The following GCNT2 variants were observed in gnomAD, a reference collection of about 807,000 sequenced individuals.
GCNT2 encodes the protein glucosaminyl (N-acetyl) transferase 2 (I blood group).
In GCNT2, 34 loss-of-function variants were observed where a neutral mutation model predicts 34.2. That is an observed-to-expected ratio of 1.00 (90% CI 0.76 to 1.32). The LOEUF (loss-of-function observed/expected upper bound fraction) is 1.32. GCNT2 is among the 40% of genes most tolerant of loss of function. GCNT2 has a pLI of 0.00. For missense variants in GCNT2, 584 were observed against 489.4 expected, an observed-to-expected ratio of 1.19 and a Z score of -1.82; for synonymous variants, 212 against 188.0, an observed-to-expected ratio of 1.13 and a Z score of -1.04.
chr6:10,622,562 CTCAG>C (rs745607506), intron 4 of GCNT2, among the ~76,000 whole-genome samples: 19 of 152,046 alleles, frequency 1.2e-4, no homozygotes, highest in Non-Finnish European at 2.2e-4. Flanking sequence ...CTCTGAGACA[CTCAG>C]TGTTAGGATT....
At chr6:10,594,852 C>CA (rs546050532) in intron 3 of GCNT2, among the ~76,000 whole-genome samples, 1 of 148,096 alleles carries the variant, frequency 6.8e-6, no homozygotes, top group Admixed American at 6.7e-5. Context: ...ATACCAGTTC[C>CA]TTTTTTTTTT....
intron 3 of GCNT2, among the ~76,000 whole-genome samples, chr6:10,532,805 A>G (rs1224872341): frequency 6.6e-6 from 1 of 152,084 alleles, no homozygotes; most frequent in Non-Finnish European, 1.5e-5. Context: ...TTAGGGAATT[A>G]GAAACCTAAG....
At chr6:10,538,939 T>C (rs1581376368) in intron 3 of GCNT2, among the ~76,000 whole-genome samples, 1 of 152,070 alleles carries the variant, frequency 6.6e-6, no homozygotes, top group African/African-American at 2.4e-5. Flanking sequence ...AATTTTATAC[T>C]GAGGAAGCTA....
intron 3 of GCNT2, among the ~76,000 whole-genome samples, chr6:10,563,777 A>AAATATATAT (rs1554130891): frequency 1.2e-4 from 3 of 24,712 alleles, no homozygotes; most frequent in African/African-American, 3.9e-4. Flanking sequence ...AAAAAAAAAA[A>AAATATATAT]ATATATATAT....
chr6:10,566,218 CTG>C (rs1197741809), intron 3 of GCNT2, among the ~76,000 whole-genome samples: 1 of 151,644 alleles, frequency 6.6e-6, no homozygotes. Flanking sequence ...GAGTCACACT[CTG>C]TAAAATTCTT....
intron 3 of GCNT2, among the ~76,000 whole-genome samples, chr6:10,582,197 T>C (rs1362833895): frequency 1.5e-5 from 2 of 129,728 alleles, no homozygotes; most frequent in Admixed American, 9.0e-5. Flanking sequence ...TTTTATATAA[T>C]ATATAAAATT....
At chr6:10,526,193 A>G (rs1464871409) in intron 1 of GCNT2, among the ~76,000 whole-genome samples, 1 of 152,186 alleles carries the variant, frequency 6.6e-6, no homozygotes, top group Non-Finnish European at 1.5e-5. Context: ...CGCATGAAAG[A>G]TAGTTAAGAA....
chr6:10,563,477 C>T (rs1561802307), intron 3 of GCNT2, among the ~76,000 whole-genome samples: 1 of 151,982 alleles, frequency 6.6e-6, no homozygotes, highest in Admixed American at 6.5e-5. Context: ...CGTGGTGGCT[C>T]ACGCCTATAA....
intron 3 of GCNT2, among the ~76,000 whole-genome samples, chr6:10,583,590 G>A (rs775009093): frequency 2.6e-5 from 4 of 152,178 alleles, no homozygotes; most frequent in African/African-American, 7.2e-5. Context: ...TCTGTAATGC[G>A]ACCAGACCTG....
chr6:10,611,204 AGAG>A (rs1241741861), intron 3 of GCNT2, among the ~76,000 whole-genome samples: 1 of 150,644 alleles, frequency 6.6e-6, no homozygotes, highest in Non-Finnish European at 1.5e-5. Context: ...CAACATAGTG[AGAG>A]GAGAGCCATG....
intron 3 of GCNT2, among the ~76,000 whole-genome samples, chr6:10,595,037 G>T (rs1764792996): frequency 6.6e-6 from 1 of 151,992 alleles, no homozygotes; most frequent in African/African-American, 2.4e-5. Context: ...TCGAGTCGGG[G>T]TTTTACTATG....
intron 3 of GCNT2, among the ~76,000 whole-genome samples, chr6:10,539,639 G>GGAGA (rs35869319): frequency 1.3e-5 from 2 of 151,708 alleles, no homozygotes; most frequent in African/African-American, 4.8e-5. Flanking sequence ...CTCATTAAAT[G>GGAGA]GAGAGAGAGA....
chr6:10,539,452 G>C (rs1357370553), intron 3 of GCNT2, among the ~76,000 whole-genome samples: 2 of 152,026 alleles, frequency 1.3e-5, no homozygotes, highest in Non-Finnish European at 2.9e-5. Context: ...GCCTCCCAAA[G>C]TGCTGGAATT....
chr6:10,539,650 G>C (rs1761948652), intron 3 of GCNT2, among the ~76,000 whole-genome samples: 1 of 152,150 alleles, frequency 6.6e-6, no homozygotes, highest in Non-Finnish European at 1.5e-5. Context: ...GAGAGAGAGA[G>C]AGAAAACAGA....
intron 3 of GCNT2, among the ~76,000 whole-genome samples, chr6:10,564,610 A>G (rs972402025): frequency 3.3e-5 from 5 of 152,380 alleles, no homozygotes; most frequent in Non-Finnish European, 5.9e-5. Flanking sequence ...CTGCAGCCAG[A>G]TGGCCTGAAT....
chr6:10,620,619 G>A (rs961541332), intron 3 of GCNT2, among the ~76,000 whole-genome samples: 1 of 151,880 alleles, frequency 6.6e-6, no homozygotes, highest in African/African-American at 2.4e-5. Context: ...GTTGCCCAGG[G>A]ATCTTCTTAC....
chr6:10,580,609 T>C (rs1399974794), intron 3 of GCNT2, among the ~76,000 whole-genome samples: 1 of 148,006 alleles, frequency 6.8e-6, no homozygotes, highest in Non-Finnish European at 1.5e-5. Context: ...TCAAAAAGCA[T>C]TGCCTTAAAA....
Position 10,529,722 on chromosome 6 carries a change from A to G in GCNT2, c.811A>G (p.Arg271Gly). 6.2e-7 allele frequency: 1 copy of G among 1,614,104 alleles called. No homozygotes were observed. ...YFGTAYVALT[R>G]DFANFVLQDQ... is the part of the protein sequence containing the mutation. The stretch of plus-strand genomic sequence containing the variant: ...TGGCACGGCCTACGTGGCTCTCACA[A>G]GGGACTTTGCTAACTTCGTCCTCCA... The change falls in exon 3 of 5, where the codon AGG becomes GGG. Residue 271 changes from arginine to glycine, a missense_variant. By Grantham distance (125) the Arg-to-Gly change is moderately radical. Coordinates refer to ENST00000495262, the MANE Select transcript of GCNT2 (RefSeq NM_145649.5).
chr6:10,529,484 C>CA lies in GCNT2; in HGVS notation c.573_574insA (p.Gly192ArgfsTer20), dbSNP rs1561778042. 6.2e-7 allele frequency: 1 copy of CA among 1,614,004 alleles called. No homozygotes were observed. Among genetic ancestry groups the CA allele is most frequent in the Admixed American group, 1.7e-5 (1 of 59,996 alleles). On this transcript the variant is annotated frameshift_variant, in exon 3 of 5. Transcript: ENST00000495262. LOFTEE classifies it high-confidence loss of function. Reference sequence around the variant, plus strand: ...CCTGGAAGTATGTCATCAACACCTGCGGGCAAGACTTTCCCCTGAAAACCA... The same window carrying CA: ...CCTGGAAGTATGTCATCAACACCTGCAGGGCAAGACTTTCCCCTGAAAACCA...
Sources: gnomAD v4.1 joint callset for allele counts (sites outside exome capture counted in the v4.1 genomes callset) on GRCh38, gnomAD v4.1.1 for gene constraint, MANE v1.5 for transcripts, NCBI Gene and HGNC (gene_info 2026-07-23, HGNC 2026-07-21) for gene names.